ADAM8: variants seen among roughly 807,000 people sequenced by gnomAD.
ADAM8 encodes the protein disintegrin and metalloproteinase domain-containing protein 8.
A neutral mutation model predicts 102.4 loss-of-function variants in ADAM8; 104 were observed. That is an observed-to-expected ratio of 1.02 (90% CI 0.87 to 1.20). ADAM8 has a LOEUF of 1.20. ADAM8 is among the 50% of genes most tolerant of loss of function. The pLI, the probability that ADAM8 is intolerant of heterozygous loss-of-function variation, is 0.00. For missense variants in ADAM8, 1,132 were observed against 1,159.0 expected (o/e 0.98, Z 0.34); for synonymous variants, 517 against 485.2 (o/e 1.07, Z -0.86).
intron 12 of ADAM8, 47 bp downstream of exon 12, chr10:133,271,481 T>C (rs1408535935): frequency 6.6e-7 from 1 of 1,515,276 alleles, no homozygotes; most frequent in Non-Finnish European, 8.9e-7. Flanking sequence ...GGGACAGAGG[T>C]TGTGGCACCC....
chr10:133,273,361 G>T lies in ADAM8; in HGVS notation c.466C>A (p.Gln156Lys). ...GGEGGRHAVY[Q>K]AEHLLQTAGT... ...GCCGTCTGCAGCAGGTGCTCAGCCTGGTACACGGCGTGCCGTCCGCCCTCG... is the reference window on the plus strand; with the variant it reads ...GCCGTCTGCAGCAGGTGCTCAGCCTTGTACACGGCGTGCCGTCCGCCCTCG... The change falls in exon 6 of 23, where the codon CAG becomes AAG. Residue 156 changes from glutamine to lysine, a missense_variant. Gln to Lys is a moderately conservative substitution (Grantham distance 53). Coordinates refer to ENST00000445355, the MANE Select transcript of ADAM8 (RefSeq NM_001109.5). 1.3e-6 allele frequency: 2 copies of T among 1,559,244 alleles called. No homozygotes were observed. Among genetic ancestry groups the T allele is most frequent in the Non-Finnish European group, 1.7e-6 (2 of 1,152,296 alleles).
chr10:133,263,150 G>C lies in ADAM8; in HGVS notation c.*6C>G. 1 of 1,613,972 alleles carries C rather than the reference G, an allele frequency of 6.2e-7. No homozygotes were observed. Among genetic ancestry groups the C allele is most frequent in the South Asian group, 1.1e-5 (1 of 91,088 alleles). On this transcript the variant is annotated 3_prime_UTR_variant, in exon 23 of 23. Coordinates refer to ENST00000445355, the MANE Select transcript of ADAM8 (RefSeq NM_001109.5). Reference sequence around the variant, plus strand: ...TCCAAATTTCCACACAGGCGCAGGTGCCCCCCTAGGGTGCTGTGGGAGCTC... The same window carrying C: ...TCCAAATTTCCACACAGGCGCAGGTCCCCCCCTAGGGTGCTGTGGGAGCTC...
chr10:133,267,956 CG>C lies in ADAM8; in HGVS notation c.2225del (p.Ser742TrpfsTer4). ...CAGGGGGCGGCCTCTTCAGAGCCAC[CG>C]AGGAGGCCGGGTGTCGGGCGGGCTG... ...PGQPARHPAS[S>X]VALKRPPPAP... is the part of the protein sequence containing the mutation. On this transcript the variant is annotated frameshift_variant, in exon 20 of 23. Transcript: ENST00000445355. LOFTEE classifies it high-confidence loss of function. 7.9e-7 allele frequency: 1 copy of C among 1,260,790 alleles called. No homozygotes were observed. The highest frequency in any genetic ancestry group is 1.0e-6 in the Non-Finnish European group (1 of 996,542). The allele number at this position is 1,260,790 out of a possible 1,614,324, so 78.1% of individuals were successfully genotyped here.
At chr10:133,264,174 G>A (rs1452220686) in intron 21 of ADAM8, among the ~76,000 whole-genome samples, 1 of 146,062 alleles carries the variant, frequency 6.8e-6, no homozygotes, top group Non-Finnish European at 1.5e-5. Context: ...CGATCCTCCC[G>A]CCTCAGCCTC....
chr10:133,271,407 G>T, intron 12 of ADAM8, 118 bp from the exon 13 acceptor site: 1 of 1,470,054 alleles, frequency 6.8e-7, no homozygotes, highest in South Asian at 1.3e-5. Flanking sequence ...CCCTGTGACC[G>T]CTCTGGACAC....
chr10:133,273,314 G>C lies in ADAM8; in HGVS notation c.513C>G (p.Asp171Glu), dbSNP rs761758818. 1 of 1,586,700 alleles carries C rather than the reference G, an allele frequency of 6.3e-7. No individual in the cohort carries two copies. Among genetic ancestry groups the C allele is most frequent in the Non-Finnish European group, 8.6e-7 (1 of 1,167,974 alleles). The change falls in exon 6 of 23, where the codon GAC becomes GAG. Residue 171 changes from aspartate (D) to glutamate (E), a missense_variant. Transcript: ENST00000445355. ...LQTAGTCGVS[D>E]DSLGSLLGPR... Reference sequence around the variant, plus strand: ...GTCCCAGGAGGCTGCCCAGGCTGTCGTCGCTGACCCCGCAGGTCCCGGCCG... The same window carrying C: ...GTCCCAGGAGGCTGCCCAGGCTGTCCTCGCTGACCCCGCAGGTCCCGGCCG...
At chr10:133,263,336 G>A in intron 22 of ADAM8, 103 bp from the exon 23 acceptor site, 2 of 1,184,802 alleles carry the variant, frequency 1.7e-6, no homozygotes, top group Non-Finnish European at 2.3e-6. Flanking sequence ...CTTAAAATGT[G>A]GATTCTTGGT....
At chr10:133,269,167 G>C in intron 18 of ADAM8, 1 of 984,490 alleles carries the variant, frequency 1.0e-6, no homozygotes, top group Non-Finnish European at 1.2e-6. Context: ...GCCCCGGGCC[G>C]AGGAGGGGCT....
Position 133,270,748 on chromosome 10 carries a change from G to C in ADAM8, c.1622C>G (p.Ala541Gly), listed in dbSNP as rs965502239. Reference sequence around the variant, plus strand: ...GGTCTCAGCTCACCTGTACCGGCTGGCCTTGCAGCCTGGTAGGATGTCATA... The same window carrying C: ...GGTCTCAGCTCACCTGTACCGGCTGCCCTTGCAGCCTGGTAGGATGTCATA... ...FSYDILPGCK[A>G]SRYRADMCGV... The change falls in exon 15 of 23, where the codon GCC becomes GGC. Residue 541 changes from alanine (A) to glycine (G), a missense_variant. Transcript: ENST00000445355. 2 of 1,606,256 alleles carry C rather than the reference G, an allele frequency of 1.2e-6. No homozygotes were observed. Among genetic ancestry groups the C allele is most frequent in the Non-Finnish European group, 1.7e-6 (2 of 1,176,246 alleles).
At position 133,272,415 on chromosome 10, in the gene ADAM8, C is replaced by T. The variant is rs1846565599; in HGVS notation, c.875+1G>A. The T allele has an allele frequency of 3.8e-6, 6 of 1,594,472 alleles. No homozygotes were observed. Among genetic ancestry groups the T allele is most frequent in the Non-Finnish European group, 5.1e-6 (6 of 1,170,846 alleles). On this transcript the variant is annotated splice_donor_variant, in intron 9 of 22. Transcript: ENST00000445355. LOFTEE classifies it high-confidence loss of function. Reference sequence around the variant, plus strand: ...CCACCCTGCCCGCTCCGCCAGCTCACGTGATGAGCTGTACGTTGTCATGCA... The same window carrying T: ...CCACCCTGCCCGCTCCGCCAGCTCATGTGATGAGCTGTACGTTGTCATGCA...
chr10:133,274,010 A>G lies in ADAM8; in HGVS notation c.247T>C (p.Tyr83His). Residue 83 changes from tyrosine (Y) to histidine (H), a missense_variant, in exon 4 of 23, where the codon TAC becomes CAC. By Grantham distance (83) the Tyr-to-His change is moderately conservative. Transcript: ENST00000445355. Reference protein sequence around the residue: ...RKNRDLLGSGYTETYTAANGS... With the variant: ...RKNRDLLGSGHTETYTAANGS... ...TTGGCAGCCGTATAGGTCTCTGTGT[A>G]GCCGGAGCCCAGCAGGTCCCTGGAA... 1.9e-6 allele frequency: 3 copies of G among 1,608,058 alleles called. No individual in the cohort carries two copies. The highest frequency in any genetic ancestry group is 1.7e-6 in the Non-Finnish European group (2 of 1,178,624).
chr10:133,273,630 C>T lies in ADAM8; in HGVS notation c.383+132G>A. The T allele has an allele frequency of 1.8e-5, 23 of 1,297,112 alleles. No individual in the cohort carries two copies. The South Asian group carries it at 3.0e-4, about 17-fold the overall frequency. 80.4% of individuals were successfully genotyped at this position (1,297,112 alleles called of 1,614,324 possible). A position where few individuals can be genotyped will look rare whatever the true frequency, so the allele number is the denominator to read the frequency against. On this transcript the variant is annotated intron_variant, in intron 5 of 22. Coordinates refer to ENST00000445355, the MANE Select transcript of ADAM8 (RefSeq NM_001109.5). The stretch of plus-strand genomic sequence containing the variant: ...TTGGGCTTGGCGTCCCCTGAGCAGA[C>T]CCCCATGCAAGACAGCAAAGGCCTG...
At chr10:133,267,801 G>A (rs959311456) in intron 20 of ADAM8, 128 bp downstream of exon 20, 17 of 1,020,884 alleles carry the variant, frequency 1.7e-5, no homozygotes, top group African/African-American at 5.0e-5. Flanking sequence ...TCTGGGCCTC[G>A]GGGCCACCGC....
In ADAM8 at chr10:133,275,540, C is replaced by G; in HGVS notation, c.94G>C (p.Val32Leu). 6.6e-7 allele frequency: 1 copy of G among 1,517,146 alleles called. No homozygotes were observed. Among genetic ancestry groups the G allele is most frequent in the Non-Finnish European group, 8.8e-7 (1 of 1,134,320 alleles). 94.0% of individuals were successfully genotyped at this position (1,517,146 alleles called of 1,614,324 possible). A position where few individuals can be genotyped will look rare whatever the true frequency, so the allele number is the denominator to read the frequency against. The change falls in exon 2 of 23, where the codon GTG (valine) becomes CTG (leucine). Residue 32 changes from valine (V) to leucine (L), a missense_variant. Physicochemically the swap from Val to Leu is conservative, Grantham distance 32. Transcript: ENST00000445355. Reference sequence around the variant, plus strand: ...GGGCCTGGCAGACGCCACGGCAACACGACCTCATACTGCTCCATGAGGGCC... The same window carrying G: ...GGGCCTGGCAGACGCCACGGCAACAGGACCTCATACTGCTCCATGAGGGCC... ...PWALMEQYEV[V>L]LPWRLPGPRV... is the part of the protein sequence containing the mutation.
rs1376120471 is a variant in ADAM8 at position 133,276,773 on chromosome 10, A to G, written c.45T>C (p.Pro15=). 2 of 1,533,956 alleles carry G rather than the reference A, an allele frequency of 1.3e-6. No homozygotes were observed. Among genetic ancestry groups the G allele is most frequent in the Non-Finnish European group, 1.8e-6 (2 of 1,142,608 alleles). Residue 15 remains proline, a splice_region_variant and synonymous_variant, in exon 1 of 23, where the codon CCT becomes CCC. Transcript: ENST00000445355. ...GGACGGTTCCCTGGAACCACTCACC[A>G]GGCAGCATCATCGCGCCCAGCAGCC... ...GLWLLGAMML[P]AIAPSRPWAL...
chr10:133,272,137 C>A, intron 10 of ADAM8, 56 bp downstream of exon 10: 1 of 1,529,200 alleles, frequency 6.5e-7, no homozygotes, highest in Non-Finnish European at 8.9e-7. Flanking sequence ...CGAGGCGTCC[C>A]CTCCCCTATC....
chr10:133,263,851 A>G (rs1022465049), intron 21 of ADAM8, 86 bp from the exon 22 acceptor site: 3 of 1,197,760 alleles, frequency 2.5e-6, no homozygotes, highest in Admixed American at 3.3e-5. Flanking sequence ...ACCTGGAACG[A>G]AGCTCCCCAC....
rs758666145 is a variant in ADAM8 at position 133,271,311 on chromosome 10, T to C, written c.1285-22A>G. The C allele has an allele frequency of 2.8e-5, 45 of 1,603,804 alleles. No individual in the cohort carries two copies. In the South Asian group the frequency reaches 4.3e-4, roughly 15 times the overall value. The stretch of plus-strand genomic sequence containing the variant: ...AGTCCTGGGGCGACGGCAAAGGCCT[T>C]GGCAGGCTGCACTGGGGCCGGGCTG... On this transcript the variant is annotated intron_variant, in intron 12 of 22. Transcript: ENST00000445355.
At chr10:133,267,451 G>T in intron 20 of ADAM8, 34 bp from the exon 21 acceptor site, 1 of 1,582,816 alleles carries the variant, frequency 6.3e-7, no homozygotes, top group Non-Finnish European at 8.6e-7. Context: ...CTGGGTCAGA[G>T]CTGGGACCCC....
Sources: allele counts gnomAD v4.1 joint callset (sites outside exome capture counted in the v4.1 genomes callset), GRCh38; gene constraint gnomAD v4.1.1; transcripts MANE v1.5; gene names NCBI Gene and HGNC (gene_info 2026-07-23, HGNC 2026-07-21).